ATG10: variants seen among roughly 807,000 people sequenced by gnomAD.
ATG10 encodes the protein autophagy related 10, also known as ubiquitin-like-conjugating enzyme ATG10.
Under a neutral mutation model 32.1 loss-of-function variants are expected in ATG10, and 30 were observed. The ratio of observed to expected loss-of-function variants is 0.94; its 90% confidence interval spans 0.70 to 1.27. The LOEUF is 1.27. ATG10 is among the 50% of genes most tolerant of loss of function. The pLI is 0.00. For missense variants in ATG10, 233 were observed against 262.3 expected (o/e 0.89, Z 0.77); for synonymous variants, 87 against 91.5 (o/e 0.95, Z 0.28).
At chr5:82,107,973 A>T (rs548137412) in intron 3 of ATG10, among the ~76,000 whole-genome samples, 1 of 152,148 alleles carries the variant, frequency 6.6e-6, no homozygotes, top group African/African-American at 2.4e-5. Context: ...AGAGCAAGAC[A>T]ATTCTAGGCC....
intron 5 of ATG10, among the ~76,000 whole-genome samples, chr5:82,209,218 TA>T (rs1005583258): frequency 6.6e-6 from 1 of 152,178 alleles, no homozygotes; most frequent in African/African-American, 2.4e-5. Context: ...TCGTCTTTTT[TA>T]AAAAAATTTT....
At position 82,232,402 on chromosome 5, in the gene ATG10, T is replaced by C. The variant is rs79049811; in HGVS notation, c.454-20160T>C. On this transcript the variant is annotated intron_variant, in intron 5 of 7. Coordinates refer to ENST00000282185, the MANE Select transcript of ATG10 (RefSeq NM_031482.5). ...CATTGGAAAAACTCAATTTTGTTCT[T>C]AGATCTGGACATAAGTCTTGGCTCA... Among the ~76,000 whole-genome samples the C allele has an allele frequency of 5.1e-4, 77 of 152,316 alleles. No individual in the cohort carries two copies. In the East Asian group the frequency reaches 0.013, roughly 26 times the overall value.
chr5:81,997,562 T>G (rs1458342613), intron 2 of ATG10, among the ~76,000 whole-genome samples: 1 of 152,080 alleles, frequency 6.6e-6, no homozygotes, highest in Non-Finnish European at 1.5e-5. Flanking sequence ...GAAATATAAT[T>G]CAGAATACGG....
At chr5:82,125,038 C>T (rs1766208863) in intron 3 of ATG10, among the ~76,000 whole-genome samples, 1 of 152,126 alleles carries the variant, frequency 6.6e-6, no homozygotes, top group Non-Finnish European at 1.5e-5. Context: ...CTCTAAAGAC[C>T]AGAGATGATG....
chr5:82,082,339 G>T (rs1764513745), intron 3 of ATG10, among the ~76,000 whole-genome samples: 1 of 152,170 alleles, frequency 6.6e-6, no homozygotes, highest in Non-Finnish European at 1.5e-5. Flanking sequence ...TGAGAAAGTT[G>T]TTGAAATATG....
rs181884133 is a variant in ATG10, at chr5:82,088,686, T to C, written c.216+30084T>C. 2.0e-5 allele frequency among the ~76,000 whole-genome samples: 3 copies of C among 152,262 alleles called. No homozygotes were observed. The East Asian group carries it at 5.8e-4, about 29-fold the overall frequency. ...ATTGGATATAGAAAGTAATCGTAATTATAATGAGACCTAACACAATGTGTA... is the reference window on the plus strand; with the variant it reads ...ATTGGATATAGAAAGTAATCGTAATCATAATGAGACCTAACACAATGTGTA... On this transcript the variant is annotated intron_variant, in intron 3 of 7. Coordinates refer to ENST00000282185, the MANE Select transcript of ATG10 (RefSeq NM_031482.5).
intron 3 of ATG10, among the ~76,000 whole-genome samples, chr5:82,163,617 G>C (rs1239999211): frequency 6.6e-6 from 1 of 152,144 alleles, no homozygotes; most frequent in Non-Finnish European, 1.5e-5. Context: ...ATAAGTGAAA[G>C]TGGATGGAAC....
intron 3 of ATG10, among the ~76,000 whole-genome samples, chr5:82,123,296 T>C (rs1421437905): frequency 6.6e-6 from 1 of 151,738 alleles, no homozygotes; most frequent in African/African-American, 2.4e-5. Flanking sequence ...TTCTTACTTA[T>C]TAAGTGGGAG....
At chr5:82,022,872 G>A (rs1043989834) in intron 2 of ATG10, among the ~76,000 whole-genome samples, 1 of 151,734 alleles carries the variant, frequency 6.6e-6, no homozygotes, top group South Asian at 2.1e-4. Flanking sequence ...AAAGATTATT[G>A]TCTTAACTCC....
intron 5 of ATG10, among the ~76,000 whole-genome samples, chr5:82,205,768 C>T (rs910731216): frequency 6.6e-6 from 1 of 152,164 alleles, no homozygotes; most frequent in African/African-American, 2.4e-5. Context: ...ATGGAAGCTA[C>T]GCTTGAGATA....
intron 3 of ATG10, among the ~76,000 whole-genome samples, chr5:82,150,544 A>G (rs1459261446): frequency 2.0e-5 from 3 of 152,210 alleles, no homozygotes; most frequent in Non-Finnish European, 4.4e-5. Context: ...AAAGTAGTCC[A>G]ATGCCCAGGC....
At chr5:82,137,215 A>C (rs544728822) in intron 3 of ATG10, among the ~76,000 whole-genome samples, 1 of 152,196 alleles carries the variant, frequency 6.6e-6, no homozygotes, top group African/African-American at 2.4e-5. Flanking sequence ...TCTTCTGTAA[A>C]TTCATCAAAC....
intron 3 of ATG10, among the ~76,000 whole-genome samples, chr5:82,092,053 T>G (rs1462630906): frequency 1.3e-5 from 2 of 151,942 alleles, no homozygotes. Flanking sequence ...ATATATGGAG[T>G]TTTTTATATG....
At chr5:82,086,172 C>G (rs1764683074) in intron 3 of ATG10, among the ~76,000 whole-genome samples, 1 of 151,968 alleles carries the variant, frequency 6.6e-6, no homozygotes. Flanking sequence ...ATACTGTATT[C>G]TTAGTATAGA....
chr5:82,236,204 A>T (rs879874369), intron 5 of ATG10, among the ~76,000 whole-genome samples: 6 of 151,992 alleles, frequency 3.9e-5, no homozygotes, highest in Admixed American at 6.6e-5. Context: ...GTGACTGTTT[A>T]ATTAATAGAC....
chr5:82,076,211 A>G (rs758184965), intron 3 of ATG10, among the ~76,000 whole-genome samples: 8 of 152,196 alleles, frequency 5.3e-5, no homozygotes, highest in Non-Finnish European at 1.0e-4. Context: ...GGCATAAAAC[A>G]CTAGGAAATA....
intron 5 of ATG10, among the ~76,000 whole-genome samples, chr5:82,189,711 C>T (rs547601728): frequency 6.6e-6 from 1 of 152,226 alleles, no homozygotes; most frequent in South Asian, 2.1e-4. Context: ...GTAACCTCCG[C>T]CTTCTGGGCT....
chr5:82,132,623 A>G (rs745558429), intron 3 of ATG10, among the ~76,000 whole-genome samples: 1 of 152,044 alleles, frequency 6.6e-6, no homozygotes, highest in African/African-American at 2.4e-5. Context: ...TATGGTGTAT[A>G]TGTGCCACAT....
At chr5:82,113,268 T>C (rs1161318181) in intron 3 of ATG10, among the ~76,000 whole-genome samples, 1 of 151,980 alleles carries the variant, frequency 6.6e-6, no homozygotes, top group Non-Finnish European at 1.5e-5. Flanking sequence ...TGAGTGCATA[T>C]TTGATCAGAA....
Sources: allele counts gnomAD v4.1 joint callset (sites outside exome capture counted in the v4.1 genomes callset), GRCh38; gene constraint gnomAD v4.1.1; transcripts MANE v1.5; gene names NCBI Gene and HGNC (gene_info 2026-07-23, HGNC 2026-07-21).